Variants in GRB14 observed in about 807,000 individuals in gnomAD.
GRB14 encodes the protein growth factor receptor-bound protein 14.
GRB14 carries 38 observed loss-of-function variants against 69.1 expected under a neutral mutation model. The observed-to-expected ratio is 0.55, with a 90% confidence interval of 0.42 to 0.72. The LOEUF (loss-of-function observed/expected upper bound fraction) is 0.72, where lower values mean the gene tolerates loss of function less well. GRB14 is among the 30% of genes least tolerant of loss of function. GRB14 has a pLI of 0.00. For missense variants in GRB14, 666 were observed against 666.1 expected (o/e 1.00, Z 0.00); for synonymous variants, 247 against 241.3 (o/e 1.02, Z -0.22).
At chr2:164,540,677 T>G (rs2105303485) in intron 3 of GRB14, among the ~76,000 whole-genome samples, 1 of 152,264 alleles carries the variant, frequency 6.6e-6, no homozygotes, top group South Asian at 2.1e-4. Flanking sequence ...TCTTTCCTCC[T>G]GCTTTCCCTC....
chr2:164,508,244 C>G (rs1687242189), intron 8 of GRB14, among the ~76,000 whole-genome samples: 1 of 152,166 alleles, frequency 6.6e-6, no homozygotes. Flanking sequence ...AATACTTACT[C>G]CACACACAAA....
chr2:164,574,367 G>A lies in GRB14; in HGVS notation c.325-26551C>T, dbSNP rs556133141. Among the ~76,000 whole-genome samples, 25 of 150,748 alleles carry A rather than the reference G, an allele frequency of 1.7e-4. No homozygotes were observed. The South Asian group carries it at 2.5e-3, about 15-fold the overall frequency. On this transcript the variant is annotated intron_variant, in intron 2 of 13. Coordinates refer to ENST00000263915, the MANE Select transcript of GRB14 (RefSeq NM_004490.3). ...AGTGATTCTCCTGCCTCAGCCTCCCGAGTAGCTGGGACTACAGGCATGCAC... is the reference window on the plus strand; with the variant it reads ...AGTGATTCTCCTGCCTCAGCCTCCCAAGTAGCTGGGACTACAGGCATGCAC...
At chr2:164,541,955 G>A (rs1292555920) in intron 3 of GRB14, among the ~76,000 whole-genome samples, 1 of 152,106 alleles carries the variant, frequency 6.6e-6, no homozygotes, top group African/African-American at 2.4e-5. Context: ...AACCCAAAAA[G>A]AGACCAAGTA....
intron 2 of GRB14, among the ~76,000 whole-genome samples, chr2:164,572,373 C>G (rs1158188462): frequency 2.0e-5 from 3 of 152,096 alleles, no homozygotes; most frequent in East Asian, 3.9e-4. Context: ...GTTCATTAAG[C>G]CCCACAATGA....
intron 6 of GRB14, among the ~76,000 whole-genome samples, chr2:164,513,370 T>C (rs1687389916): frequency 6.6e-6 from 1 of 151,994 alleles, no homozygotes; most frequent in South Asian, 2.1e-4. Context: ...AGAAAAAGGG[T>C]CACTGAAGAT....
At chr2:164,581,008 G>A (rs547271119) in intron 2 of GRB14, among the ~76,000 whole-genome samples, 22 of 152,214 alleles carry the variant, frequency 1.4e-4, no homozygotes, top group African/African-American at 5.1e-4. Flanking sequence ...TTTCTTCTAC[G>A]GATCTACTAC....
chr2:164,607,622 A>G (rs1274833666), intron 2 of GRB14, among the ~76,000 whole-genome samples: 1 of 152,212 alleles, frequency 6.6e-6, no homozygotes, highest in Non-Finnish European at 1.5e-5. Context: ...TAAGGACCTC[A>G]TATAATACAA....
intron 6 of GRB14, among the ~76,000 whole-genome samples, chr2:164,515,067 G>A (rs772582474): frequency 1.3e-5 from 2 of 152,132 alleles, no homozygotes; most frequent in African/African-American, 2.4e-5. Context: ...CCTGCCCAAG[G>A]AGAGTCTGAG....
At chr2:164,565,756 C>G (rs1272752307) in intron 2 of GRB14, among the ~76,000 whole-genome samples, 1 of 152,126 alleles carries the variant, frequency 6.6e-6, no homozygotes, top group Non-Finnish European at 1.5e-5. Flanking sequence ...GAAATCAGAT[C>G]CTAATAGAAT....
chr2:164,577,306 C>G (rs1485841764), intron 2 of GRB14, among the ~76,000 whole-genome samples: 1 of 152,152 alleles, frequency 6.6e-6, no homozygotes, highest in Non-Finnish European at 1.5e-5. Context: ...ACCTGGTGTA[C>G]CTAATTGATA....
intron 2 of GRB14, among the ~76,000 whole-genome samples, chr2:164,618,596 G>C (rs1393617951): frequency 2.0e-5 from 3 of 152,048 alleles, no homozygotes; most frequent in African/African-American, 7.2e-5. Flanking sequence ...TGTGTACCAA[G>C]TGACTTCAAG....
At chr2:164,526,096 T>C (rs554894854) in intron 4 of GRB14, among the ~76,000 whole-genome samples, 4 of 152,268 alleles carry the variant, frequency 2.6e-5, no homozygotes, top group East Asian at 3.9e-4. Context: ...CTCTTCACAG[T>C]TGAATTTATT....
intron 4 of GRB14, among the ~76,000 whole-genome samples, chr2:164,526,086 C>A (rs1687767722): frequency 6.6e-6 from 1 of 152,130 alleles, no homozygotes; most frequent in Non-Finnish European, 1.5e-5. Flanking sequence ...GAAACACTTT[C>A]TCTTCACAGT....
intron 2 of GRB14, among the ~76,000 whole-genome samples, chr2:164,556,215 C>A (rs1269211759): frequency 6.6e-6 from 1 of 152,022 alleles, no homozygotes; most frequent in Non-Finnish European, 1.5e-5. Flanking sequence ...TCCAAAAGAC[C>A]CTAACAGCTC....
chr2:164,620,779 A>T lies in GRB14; in HGVS notation c.191+340T>A, dbSNP rs183036991. Among the ~76,000 whole-genome samples, 109 of 152,280 alleles carry T rather than the reference A, an allele frequency of 7.2e-4. No individual in the cohort carries two copies. In the East Asian group the frequency reaches 0.012, roughly 16 times the overall value. On this transcript the variant is annotated intron_variant, in intron 1 of 13. Coordinates refer to ENST00000263915, the MANE Select transcript of GRB14 (RefSeq NM_004490.3). ...AATACATTTATGCTACGATTTTTTTAAAATATATAAAATAAAATAGAGTTT... is the reference window on the plus strand; with the variant it reads ...AATACATTTATGCTACGATTTTTTTTAAATATATAAAATAAAATAGAGTTT...
intron 2 of GRB14, among the ~76,000 whole-genome samples, chr2:164,591,422 G>C (rs1689660922): frequency 6.6e-6 from 1 of 152,150 alleles, no homozygotes; most frequent in African/African-American, 2.4e-5. Context: ...CCTGTAATTA[G>C]AGTATGCCTA....
intron 2 of GRB14, among the ~76,000 whole-genome samples, chr2:164,592,459 G>A (rs1689689160): frequency 6.6e-6 from 1 of 152,096 alleles, no homozygotes; most frequent in Non-Finnish European, 1.5e-5. Flanking sequence ...TTTATCAGCA[G>A]TGTGAAAACT....
chr2:164,595,176 A>G (rs1157610588), intron 2 of GRB14, among the ~76,000 whole-genome samples: 2 of 152,192 alleles, frequency 1.3e-5, no homozygotes, highest in Non-Finnish European at 2.9e-5. Context: ...CAATAAACCA[A>G]TGTTTATGTA....
Position 164,522,025 on chromosome 2 carries a change from A to G in GRB14, c.771T>C (p.Phe257=), listed in dbSNP as rs757085309. 1 of 1,604,888 alleles carries G rather than the reference A, an allele frequency of 6.2e-7. No homozygotes were observed. Among genetic ancestry groups the G allele is most frequent in the Non-Finnish European group, 8.5e-7 (1 of 1,173,606 alleles). Residue 257 remains phenylalanine, a synonymous_variant, in exon 6 of 14, where the codon TTT becomes TTC. Coordinates refer to ENST00000263915, the MANE Select transcript of GRB14 (RefSeq NM_004490.3). ...GKKSWKKIYF[F]LRRSGLYFST... is the part of the protein sequence containing the mutation. ...AAAAATATAAACCAGATCTTCTTAG[A>G]AAAAAGTAAATTTTTTTCCAAGACT...
Sources: allele counts gnomAD v4.1 joint callset (sites outside exome capture counted in the v4.1 genomes callset), GRCh38; gene constraint gnomAD v4.1.1; transcripts MANE v1.5; gene names NCBI Gene and HGNC (gene_info 2026-07-23, HGNC 2026-07-21).